The following MYO9A variants were observed in gnomAD, a reference collection of about 807,000 sequenced individuals.
MYO9A encodes the protein unconventional myosin-IXa.
A neutral mutation model predicts 293.3 loss-of-function variants in MYO9A; 103 were observed. The ratio of observed to expected loss-of-function variants is 0.35; its 90% CI spans 0.30 to 0.41. MYO9A has a LOEUF of 0.41. Among genes scored for constraint, MYO9A ranks in the 10% least tolerant of loss-of-function variants. MYO9A has a pLI of 1.00. For synonymous variants in MYO9A, 1,001 were observed against 1,035.7 expected, an observed-to-expected ratio of 0.97 and a Z score of 0.64; for missense variants, 2,685 against 3,033.0, an observed-to-expected ratio of 0.89 and a Z score of 2.69.
At chr15:72,056,849 C>A (rs182310289) in intron 1 of MYO9A, among the ~76,000 whole-genome samples, 3 of 152,162 alleles carry the variant, frequency 2.0e-5, no homozygotes, top group Admixed American at 6.5e-5. Context: ...GTGGCTCACA[C>A]CTGTAATCCC....
At chr15:72,112,104 A>G (rs1288114692) in intron 1 of MYO9A, among the ~76,000 whole-genome samples, 3 of 152,228 alleles carry the variant, frequency 2.0e-5, no homozygotes, top group African/African-American at 7.2e-5. Flanking sequence ...CTAAGGAAAA[A>G]GAATATTTAA....
At chr15:72,040,561 G>A (rs555100261) in intron 2 of MYO9A, among the ~76,000 whole-genome samples, 2 of 152,078 alleles carry the variant, frequency 1.3e-5, no homozygotes, top group Admixed American at 6.5e-5. Context: ...ATGTGTCTGC[G>A]AGCCTAATCT....
At chr15:71,828,052 T>C in intron 40 of MYO9A, 26 bp from the exon 41 acceptor site, 1 of 1,598,018 alleles carries the variant, frequency 6.3e-7, no homozygotes, top group Non-Finnish European at 8.5e-7. Context: ...AAGAAACCAT[T>C]AGCATTTGAT....
chr15:71,957,802 T>G (rs2059239269), intron 14 of MYO9A, among the ~76,000 whole-genome samples: 1 of 152,174 alleles, frequency 6.6e-6, no homozygotes, highest in Non-Finnish European at 1.5e-5. Flanking sequence ...TGAAAAATAC[T>G]TTGGACCCTC....
At chr15:72,109,222 C>G (rs1020162435) in intron 1 of MYO9A, among the ~76,000 whole-genome samples, 1 of 151,782 alleles carries the variant, frequency 6.6e-6, no homozygotes, top group African/African-American at 2.4e-5. Flanking sequence ...AACGCCACCT[C>G]TACTAAAAAT....
intron 1 of MYO9A, among the ~76,000 whole-genome samples, chr15:72,063,863 T>C (rs560372315): frequency 3.3e-5 from 5 of 152,340 alleles, no homozygotes; most frequent in African/African-American, 1.2e-4. Context: ...CCGTGTTTAC[T>C]GCAGCACTAT....
intron 15 of MYO9A, among the ~76,000 whole-genome samples, chr15:71,942,917 AT>A (rs1231255759): frequency 6.6e-6 from 1 of 152,030 alleles, no homozygotes; most frequent in Non-Finnish European, 1.5e-5. Context: ...GCTCAACTAA[AT>A]TTTTAAAATC....
intron 16 of MYO9A, among the ~76,000 whole-genome samples, chr15:71,936,111 T>C (rs1284973419): frequency 6.6e-6 from 1 of 151,978 alleles, no homozygotes; most frequent in African/African-American, 2.4e-5. Flanking sequence ...GGTATATACA[T>C]ACAATGGAAT....
intron 35 of MYO9A, chr15:71,852,504 C>T (rs1212534490): frequency 1.8e-5 from 5 of 271,680 alleles, no homozygotes; most frequent in Admixed American, 9.8e-5. Context: ...GCTGGGATTA[C>T]GGGCATGCGC....
At chr15:71,873,032 C>G (rs894004597) in intron 32 of MYO9A, among the ~76,000 whole-genome samples, 1 of 152,038 alleles carries the variant, frequency 6.6e-6, no homozygotes, top group Non-Finnish European at 1.5e-5. Flanking sequence ...CCTGCCTCAG[C>G]CTCCCGAGCA....
chr15:72,010,629 A>G (rs1005652143), intron 6 of MYO9A, among the ~76,000 whole-genome samples, 182 bp from the exon 7 acceptor site: 9 of 152,208 alleles, frequency 5.9e-5, no homozygotes, highest in Non-Finnish European at 1.2e-4. Context: ...TATGGAAACT[A>G]AACACATACT....
chr15:71,956,803 CTA>C (rs564359419), intron 14 of MYO9A, among the ~76,000 whole-genome samples: 9 of 145,792 alleles, frequency 6.2e-5, no homozygotes, highest in Non-Finnish European at 9.0e-5. Context: ...TATATGTATG[CTA>C]TATATATATG....
intron 2 of MYO9A, among the ~76,000 whole-genome samples, chr15:72,037,261 CAAAAAAAAAA>C (rs61042231): frequency 1.3e-5 from 1 of 74,284 alleles, no homozygotes; most frequent in African/African-American, 5.2e-5. Flanking sequence ...CAGAATGGGG[CAAAAAAAAAA>C]AAAAAAAAAA....
intron 1 of MYO9A, among the ~76,000 whole-genome samples, chr15:72,069,781 G>A (rs964566255): frequency 2.6e-5 from 4 of 151,470 alleles, no homozygotes; most frequent in African/African-American, 7.3e-5. Flanking sequence ...CCCTTCAGTT[G>A]AGTACCTCTT....
At chr15:72,080,306 T>C (rs1452312533) in intron 1 of MYO9A, among the ~76,000 whole-genome samples, 1 of 134,606 alleles carries the variant, frequency 7.4e-6, no homozygotes, top group East Asian at 2.3e-4. Context: ...ACCATGCTTC[T>C]CTTTTTTTTT....
chr15:72,105,508 T>C (rs949167749), intron 1 of MYO9A, among the ~76,000 whole-genome samples: 5 of 148,696 alleles, frequency 3.4e-5, no homozygotes, highest in Non-Finnish European at 6.0e-5. Flanking sequence ...AAAGCTTTTT[T>C]TTTTTTTTTT....
rs1189282788 is a variant in MYO9A, at chr15:71,933,707, C to T, written c.2525G>A (p.Arg842Lys). ...AGGCTTGGATTTGAAATTTTTGTTTCTCCTATAGAGATAAATCATTCATTA... is the reference window on the plus strand; with the variant it reads ...AGGCTTGGATTTGAAATTTTTGTTTTTCCTATAGAGATAAATCATTCATTA... ...LLERAHGILT[R>K]NKNFKSKPAL... Residue 842 changes from arginine (R) to lysine (K), a missense_variant and splice_region_variant, in exon 18 of 42, where the codon AGA becomes AAA. Coordinates refer to ENST00000356056, the MANE Select transcript of MYO9A (RefSeq NM_006901.4). 9 of 1,602,666 alleles carry T rather than the reference C, an allele frequency of 5.6e-6. No individual in the cohort carries two copies. In the South Asian group the frequency reaches 1.0e-4, roughly 18 times the overall value.
At chr15:71,851,464 A>G (rs1243838284) in intron 36 of MYO9A, 106 bp from the exon 37 acceptor site, 2 of 810,898 alleles carry the variant, frequency 2.5e-6, no homozygotes, top group Non-Finnish European at 3.8e-6. Context: ...GAGTTTTAGG[A>G]GTAGTTGTAC....
rs150414262 is a variant in MYO9A at position 71,880,548 on chromosome 15, T to C, written c.5409A>G (p.Ala1803=). Residue 1803 remains alanine, a synonymous_variant, in exon 29 of 42, where the codon GCA becomes GCG. Transcript: ENST00000356056. ...GGCTCAAAGGAGGTGTTGGGTGATA[T>C]GCAGCTAATTCTACAATTCAAGATA... ...PAHQFPDELA[A]YHPTPPLSPE... is the part of the protein sequence containing the mutation. The C allele has an allele frequency of 5.3e-5, 86 of 1,613,324 alleles. No homozygotes were observed. Among genetic ancestry groups the C allele is most frequent in the Non-Finnish European group, 6.6e-5 (78 of 1,179,626 alleles).
Sources: allele counts gnomAD v4.1 joint callset (sites outside exome capture counted in the v4.1 genomes callset), GRCh38; gene constraint gnomAD v4.1.1; transcripts MANE v1.5; gene names NCBI Gene and HGNC (gene_info 2026-07-23, HGNC 2026-07-21).